ACOXL: variants seen among roughly 807,000 people sequenced by gnomAD.
ACOXL encodes acyl-CoA oxidase like, also known as acyl-coenzyme A oxidase-like protein.
Under a neutral mutation model 71.9 loss-of-function variants are expected in ACOXL, and 70 were observed. That is an observed-to-expected ratio of 0.97 (90% confidence interval 0.80 to 1.19). ACOXL has a LOEUF of 1.19. Ranked by LOEUF, ACOXL falls within the 50% of genes most tolerant of loss-of-function variation. The pLI is 0.00. For missense variants in ACOXL, 703 were observed against 736.3 expected (o/e 0.95, Z 0.52); for synonymous variants, 253 against 281.6 (o/e 0.90, Z 1.02).
intron 17 of ACOXL, chr2:111,093,354 A>G: frequency 1.8e-6 from 2 of 1,141,010 alleles, no homozygotes; most frequent in Non-Finnish European, 1.3e-6. Context: ...GGGGAATTCA[A>G]TACAATAGCT....
At chr2:110,868,054 C>A (rs1049310122) in intron 10 of ACOXL, among the ~76,000 whole-genome samples, 12 of 152,202 alleles carry the variant, frequency 7.9e-5, no homozygotes, top group Non-Finnish European at 1.8e-4. Flanking sequence ...AGCCACCACG[C>A]CCGGCCAAAA....
chr2:111,089,177 G>A (rs1292618908), intron 16 of ACOXL, among the ~76,000 whole-genome samples: 1 of 152,182 alleles, frequency 6.6e-6, no homozygotes, highest in Non-Finnish European at 1.5e-5. Context: ...GCGTGAGCAT[G>A]TAGTCCCAGC....
chr2:111,063,191 GTTAAT>G (rs748666203), intron 16 of ACOXL, among the ~76,000 whole-genome samples: 6 of 152,070 alleles, frequency 3.9e-5, no homozygotes, highest in Non-Finnish European at 8.8e-5. Flanking sequence ...ACTTTCAGTG[GTTAAT>G]TTAGAGAAGA....
intron 10 of ACOXL, among the ~76,000 whole-genome samples, chr2:110,879,069 A>AG (rs1223819026): frequency 6.6e-6 from 1 of 151,454 alleles, no homozygotes; most frequent in Non-Finnish European, 1.5e-5. Flanking sequence ...AAAAAAAAAA[A>AG]GTCAAAACAA....
chr2:110,892,514 A>G (rs1329354200), intron 10 of ACOXL, among the ~76,000 whole-genome samples: 1 of 152,166 alleles, frequency 6.6e-6, no homozygotes, highest in Non-Finnish European at 1.5e-5. Flanking sequence ...GGGTCACCAG[A>G]AAGTTTTCAA....
chr2:110,979,946 TG>T (rs926915279), intron 12 of ACOXL, among the ~76,000 whole-genome samples: 4 of 152,136 alleles, frequency 2.6e-5, no homozygotes, highest in African/African-American at 4.8e-5. Flanking sequence ...GAAATGGCCA[TG>T]GGGGTTATGA....
intron 11 of ACOXL, among the ~76,000 whole-genome samples, chr2:110,915,428 A>ATATATATTTTT (rs1315085098): frequency 1.9e-5 from 2 of 108,014 alleles, no homozygotes; most frequent in African/African-American, 7.1e-5. Context: ...ATATATATAT[A>ATATATATTTTT]TTTTTTTTTT....
chr2:110,741,504 A>G (rs1677530980), intron 1 of ACOXL, among the ~76,000 whole-genome samples: 1 of 152,206 alleles, frequency 6.6e-6, no homozygotes. Context: ...AGCTTGTAAC[A>G]CACAGTGAGT....
intron 1 of ACOXL, among the ~76,000 whole-genome samples, chr2:110,767,576 T>C (rs561966140): frequency 6.6e-6 from 1 of 152,266 alleles, no homozygotes; most frequent in South Asian, 2.1e-4. Context: ...AGCCTCATGG[T>C]GAATGTAATT....
intron 10 of ACOXL, among the ~76,000 whole-genome samples, chr2:110,903,189 A>G (rs1198380632): frequency 6.6e-6 from 1 of 152,244 alleles, no homozygotes; most frequent in Non-Finnish European, 1.5e-5. Context: ...TTAGTAGGTC[A>G]CTGGCCTCCT....
At chr2:110,793,780 A>G in intron 4 of ACOXL, 44 bp downstream of exon 4, 1 of 1,496,174 alleles carries the variant, frequency 6.7e-7, no homozygotes, top group Non-Finnish European at 9.3e-7. Flanking sequence ...GAGAGCCTTA[A>G]AAATCTGTAG....
intron 3 of ACOXL, 140 bp downstream of exon 3, chr2:110,784,955 C>T: frequency 1.8e-6 from 1 of 565,804 alleles, no homozygotes; most frequent in Non-Finnish European, 2.9e-6. Flanking sequence ...AAAACCTGTG[C>T]CTGACTTCCC....
chr2:110,765,555 G>T (rs183459354), intron 1 of ACOXL, among the ~76,000 whole-genome samples: 10 of 152,218 alleles, frequency 6.6e-5, no homozygotes, highest in African/African-American at 2.4e-4. Context: ...CTTAGATCAG[G>T]TTGCCTTTAG....
intron 1 of ACOXL, among the ~76,000 whole-genome samples, chr2:110,759,005 TG>T (rs1680043785): frequency 6.6e-6 from 1 of 152,244 alleles, no homozygotes; most frequent in Non-Finnish European, 1.5e-5. Flanking sequence ...TTCTTAATCT[TG>T]AGTTCTAATT....
intron 12 of ACOXL, among the ~76,000 whole-genome samples, chr2:110,953,352 A>G (rs139977808): frequency 1.7e-4 from 26 of 151,650 alleles, no homozygotes; most frequent in Admixed American, 7.2e-4. Context: ...ATATATTTCA[A>G]TTAATTCCAT....
chr2:111,011,944 T>C (rs2149673255), intron 14 of ACOXL, among the ~76,000 whole-genome samples: 1 of 150,528 alleles, frequency 6.6e-6, no homozygotes, highest in African/African-American at 2.4e-5. Context: ...CATTTTTTGA[T>C]TATTAAAGGA....
chr2:110,759,159 TG>T (rs1198372830), intron 1 of ACOXL, among the ~76,000 whole-genome samples: 2 of 152,134 alleles, frequency 1.3e-5, no homozygotes, highest in East Asian at 3.8e-4. Context: ...TTGTTGTTTT[TG>T]GGTGGAGAGT....
At chr2:110,812,644 C>T (rs1413682266) in intron 9 of ACOXL, among the ~76,000 whole-genome samples, 2 of 152,240 alleles carry the variant, frequency 1.3e-5, no homozygotes, top group Non-Finnish European at 2.9e-5. Flanking sequence ...TTAAAAGATA[C>T]ATCTACTGCC....
rs2070495391 is a variant in ACOXL at position 111,118,454 on chromosome 2, A to G, written c.*638A>G. Among the ~76,000 whole-genome samples the G allele has an allele frequency of 6.6e-6, 1 of 152,216 alleles. No individual in the cohort carries two copies. The highest frequency in any genetic ancestry group is 1.5e-5 in the Non-Finnish European group (1 of 68,032). ...GCCGGCGGTTTCCGTACGGCAAGAC[A>G]AGGCGCGGAAAACATTTTTACCATC... On this transcript the variant is annotated 3_prime_UTR_variant, in exon 18 of 18. Transcript: ENST00000439055.
Sources: allele counts gnomAD v4.1 joint callset (sites outside exome capture counted in the v4.1 genomes callset), GRCh38; gene constraint gnomAD v4.1.1; transcripts MANE v1.5; gene names NCBI Gene and HGNC (gene_info 2026-07-23, HGNC 2026-07-21).